The following CABIN1 variants were observed in gnomAD, a reference collection of about 807,000 sequenced individuals.
CABIN1 encodes the protein calcineurin-binding protein cabin-1.
CABIN1 carries 133 observed loss-of-function variants against 227.7 expected under a neutral mutation model. The ratio of observed to expected loss-of-function variants is 0.58; its 90% CI spans 0.51 to 0.67. The LOEUF (loss-of-function observed/expected upper bound fraction) is 0.67, where lower values mean the gene tolerates loss of function less well. CABIN1 is among the 30% of genes least tolerant of loss of function. The pLI is 0.00. For synonymous variants in CABIN1, 1,086 were observed against 1,155.1 expected (o/e 0.94, Z 1.21); for missense variants, 2,408 against 2,852.5 (o/e 0.84, Z 3.55).
chr22:24,050,773 C>A, intron 7 of CABIN1, 52 bp from the exon 8 acceptor site: 1 of 1,609,458 alleles, frequency 6.2e-7, no homozygotes, highest in Non-Finnish European at 8.5e-7. Context: ...AAATTTCAGC[C>A]TCAGTTTTAG....
intron 28 of CABIN1, among the ~76,000 whole-genome samples, chr22:24,124,038 TGC>T (rs1447621215): frequency 1.3e-5 from 2 of 151,910 alleles, no homozygotes; most frequent in Non-Finnish European, 2.9e-5. Context: ...GGGCACAGTG[TGC>T]CACTTGCTTA....
chr22:24,171,826 G>A lies in CABIN1; in HGVS notation c.5871G>A (p.Gln1957=). Residue 1957 remains glutamine, a synonymous_variant, in exon 34 of 37, where the codon CAG becomes CAA. Transcript: ENST00000263119. ...ACCCTGTGCCAGCTGACTCTGTCCA[G>A]CGGCCCAGTGATGCTCACACCAAGC... ...APDPVPADSV[Q]RPSDAHTKPR... 1.2e-6 allele frequency: 2 copies of A among 1,614,150 alleles called. No homozygotes were observed. Among genetic ancestry groups the A allele is most frequent in the South Asian group, 2.2e-5 (2 of 91,086 alleles).
intron 25 of CABIN1, among the ~76,000 whole-genome samples, chr22:24,096,618 C>T (rs767235171): frequency 4.6e-5 from 7 of 152,188 alleles, no homozygotes; most frequent in Non-Finnish European, 1.0e-4. Flanking sequence ...GTCATCTCCA[C>T]AGCCCAGACT....
At chr22:24,128,063 C>T (rs1171135420) in intron 28 of CABIN1, among the ~76,000 whole-genome samples, 3 of 152,074 alleles carry the variant, frequency 2.0e-5, no homozygotes, top group Non-Finnish European at 4.4e-5. Flanking sequence ...TGCCAGATGC[C>T]TCCTTGGGGA....
At chr22:24,059,178 G>C (rs548495732) in intron 10 of CABIN1, 49 bp from the exon 11 acceptor site, 1 of 1,609,776 alleles carries the variant, frequency 6.2e-7, no homozygotes, top group African/African-American at 1.3e-5. Flanking sequence ...TCAGATGCTT[G>C]TGTCAGAACG....
chr22:24,035,872 C>A (rs1180284837), intron 2 of CABIN1, among the ~76,000 whole-genome samples: 2 of 151,186 alleles, frequency 1.3e-5, no homozygotes, highest in African/African-American at 4.9e-5. Flanking sequence ...CACAGATTGG[C>A]ATAACCCTCC....
At chr22:24,066,270 C>G (rs929445442) in intron 15 of CABIN1, among the ~76,000 whole-genome samples, 1 of 152,164 alleles carries the variant, frequency 6.6e-6, no homozygotes, top group African/African-American at 2.4e-5. Context: ...GAGCTCTCAC[C>G]AGCACTATTT....
At chr22:24,165,431 G>A in intron 30 of CABIN1, 99 bp from the exon 31 acceptor site, 1 of 1,085,226 alleles carries the variant, frequency 9.2e-7, no homozygotes, top group Non-Finnish European at 1.4e-6. Context: ...GAACAAACAG[G>A]CATCCTCAAG....
chr22:24,134,038 C>A (rs1044165765), intron 28 of CABIN1, among the ~76,000 whole-genome samples: 4 of 152,214 alleles, frequency 2.6e-5, no homozygotes, highest in Non-Finnish European at 5.9e-5. Flanking sequence ...GGCCAGGGGT[C>A]TGTCAGTCTC....
At chr22:24,141,984 C>T (rs2148341270) in intron 29 of CABIN1, among the ~76,000 whole-genome samples, 1 of 152,274 alleles carries the variant, frequency 6.6e-6, no homozygotes, top group Non-Finnish European at 1.5e-5. Context: ...CCATACCTGC[C>T]AGAGTTGGGG....
chr22:24,083,265 C>A lies in CABIN1; in HGVS notation c.2786C>A (p.Ser929Tyr), dbSNP rs748322899. The change falls in exon 20 of 37, where the codon TCT becomes TAT. Residue 929 changes from serine to tyrosine, a missense_variant. Ser to Tyr is a moderately radical substitution (Grantham distance 144). Coordinates refer to ENST00000263119, the MANE Select transcript of CABIN1 (RefSeq NM_012295.4). ...CAGAAGGAACTGGCTGCATCCACCT[C>A]TGAAGACACGCACCCTTACAAGGAG... ...VLQKELAAST[S>Y]EDTHPYKEEL... 6.2e-7 allele frequency: 1 copy of A among 1,613,096 alleles called. No homozygotes were observed. The highest frequency in any genetic ancestry group is 8.5e-7 in the Non-Finnish European group (1 of 1,180,038).
chr22:24,064,887 A>G (rs2039494191), intron 15 of CABIN1, among the ~76,000 whole-genome samples: 1 of 151,940 alleles, frequency 6.6e-6, no homozygotes, highest in Non-Finnish European at 1.5e-5. Flanking sequence ...TTAGTACAGA[A>G]CAAAATGAAA....
At chr22:24,087,851 A>G (rs2041270280) in intron 23 of CABIN1, 138 bp downstream of exon 23, 4 of 1,155,478 alleles carry the variant, frequency 3.5e-6, no homozygotes, top group Non-Finnish European at 4.9e-6. Flanking sequence ...GAATCTCCCC[A>G]TGAGGCTTAA....
In CABIN1 at chr22:24,113,658, A is replaced by T; in HGVS notation, c.4210A>T (p.Arg1404Trp). The T allele has an allele frequency of 6.2e-7, 1 of 1,614,178 alleles. No individual in the cohort carries two copies. The change falls in exon 27 of 37, where the codon AGG becomes TGG. Residue 1404 changes from arginine to tryptophan, a missense_variant. Physicochemically the swap from Arg to Trp is moderately radical, Grantham distance 101. Around this residue, in one of 3 missense-constraint regions of CABIN1, gnomAD observed 649 missense variants for 910.3 expected, o/e 0.71. Transcript: ENST00000263119. ...NEPTSLLEGS[R>W]KSYTEKRLPI... ...GCCCACCAGCTTACTGGAAGGCTCC[A>T]GGAAATCCTACACAGAGAAGAGGCT...
chr22:24,066,169 T>C (rs2039664792), intron 15 of CABIN1, among the ~76,000 whole-genome samples: 1 of 152,172 alleles, frequency 6.6e-6, no homozygotes, highest in South Asian at 2.1e-4. Context: ...ATATGCTGAG[T>C]GGGGCCTCTG....
At chr22:24,108,860 G>A (rs184254025) in intron 26 of CABIN1, among the ~76,000 whole-genome samples, 1 of 152,326 alleles carries the variant, frequency 6.6e-6, no homozygotes, top group African/African-American at 2.4e-5. Context: ...TATGGCATCA[G>A]CAAAACCCTC....
chr22:24,048,511 C>G (rs1031534166), intron 6 of CABIN1, among the ~76,000 whole-genome samples: 2 of 152,144 alleles, frequency 1.3e-5, no homozygotes, highest in Non-Finnish European at 2.9e-5. Flanking sequence ...GCCTCTACCT[C>G]CTGGGCTCAA....
At chr22:24,019,996 A>G (rs1168652849) in intron 1 of CABIN1, among the ~76,000 whole-genome samples, 1 of 151,950 alleles carries the variant, frequency 6.6e-6, no homozygotes, top group Non-Finnish European at 1.5e-5. Flanking sequence ...TATCTCTTCT[A>G]ATTTTATTGG....
intron 1 of CABIN1, among the ~76,000 whole-genome samples, chr22:24,025,309 G>T (rs901197372): frequency 6.6e-6 from 1 of 152,094 alleles, no homozygotes; most frequent in African/African-American, 2.4e-5. Context: ...ACCTGACAAC[G>T]ATTTCCTTAA....
Sources: allele counts gnomAD v4.1 joint callset (sites outside exome capture counted in the v4.1 genomes callset), GRCh38; gene constraint gnomAD v4.1.1; regional missense constraint gnomAD v4.1.1; transcripts MANE v1.5; gene names NCBI Gene and HGNC (gene_info 2026-07-23, HGNC 2026-07-21).